Variants in PIK3R5 observed in about 807,000 individuals in gnomAD.
PIK3R5 encodes phosphoinositide-3-kinase regulatory subunit 5.
In PIK3R5, 32 loss-of-function variants were observed where a neutral mutation model predicts 94.9. That is an observed-to-expected ratio of 0.34 (90% confidence interval 0.25 to 0.45). The LOEUF (loss-of-function observed/expected upper bound fraction) is 0.45. Among genes scored for constraint, PIK3R5 ranks in the 20% least tolerant of loss-of-function variants. PIK3R5 has a pLI of 1.00. For synonymous variants in PIK3R5, 443 were observed against 479.4 expected, an observed-to-expected ratio of 0.92 and a Z score of 0.99; for missense variants, 853 against 1,144.6, an observed-to-expected ratio of 0.75 and a Z score of 3.68.
chr17:8,948,703 G>A (rs888588364), intron 1 of PIK3R5, among the ~76,000 whole-genome samples: 2 of 152,152 alleles, frequency 1.3e-5, no homozygotes, highest in South Asian at 2.1e-4. Flanking sequence ...AAACCCTCAC[G>A]GCTGCTGCGG....
At chr17:8,899,801 A>T (rs2090238291) in intron 5 of PIK3R5, among the ~76,000 whole-genome samples, 1 of 152,172 alleles carries the variant, frequency 6.6e-6, no homozygotes, top group Non-Finnish European at 1.5e-5. Context: ...GCACTTTGGG[A>T]GGCCGAGGTG....
chr17:8,902,015 T>C (rs914900241), intron 5 of PIK3R5, among the ~76,000 whole-genome samples: 5 of 152,030 alleles, frequency 3.3e-5, no homozygotes, highest in Admixed American at 6.6e-5. Flanking sequence ...CAGCCCCCCA[T>C]TCCTCACCAG....
At chr17:8,960,520 G>T (rs183468576) in intron 1 of PIK3R5, among the ~76,000 whole-genome samples, 5 of 152,358 alleles carry the variant, frequency 3.3e-5, no homozygotes, top group African/African-American at 1.2e-4. Context: ...GCTCACAGAA[G>T]GTGCGCTCCA....
At position 8,892,007 on chromosome 17, in the gene PIK3R5, C is replaced by G. The variant is rs904479615; in HGVS notation, c.483-1095G>C. Reference sequence around the variant, plus strand: ...CAACGCACGGCTGTTCTCACTTCCCCCATGCCAACCCCTCCATCACTGCAT... The same window carrying G: ...CAACGCACGGCTGTTCTCACTTCCCGCATGCCAACCCCTCCATCACTGCAT... On this transcript the variant is annotated intron_variant, in intron 6 of 18. Transcript: ENST00000447110. The surrounding 1 kb of genome is among the most constrained non-coding windows in gnomAD (Gnocchi z 4.3). Among the ~76,000 whole-genome samples, 7 of 152,156 alleles carry G rather than the reference C, an allele frequency of 4.6e-5. No homozygotes were observed. The highest frequency in any genetic ancestry group is 1.7e-4 in the African/African-American group (7 of 41,438).
intron 3 of PIK3R5, among the ~76,000 whole-genome samples, chr17:8,908,204 C>T (rs549601121): frequency 4.3e-4 from 66 of 152,272 alleles, no homozygotes; most frequent in Non-Finnish European, 7.8e-4. Context: ...GTCTTCTCTG[C>T]TAGATGAGCC....
chr17:8,905,445 G>A (rs1198227790), intron 4 of PIK3R5, among the ~76,000 whole-genome samples: 1 of 152,152 alleles, frequency 6.6e-6, no homozygotes, highest in Non-Finnish European at 1.5e-5. Context: ...GTTCCAACAT[G>A]GGAGCCCAGA....
intron 1 of PIK3R5, among the ~76,000 whole-genome samples, chr17:8,936,227 G>A (rs954467191): frequency 6.6e-5 from 10 of 152,020 alleles, no homozygotes; most frequent in African/African-American, 1.2e-4. Flanking sequence ...CCATTAGTGC[G>A]GTTCATTCGT....
At chr17:8,956,873 A>G (rs1265386968) in intron 1 of PIK3R5, among the ~76,000 whole-genome samples, 4 of 152,224 alleles carry the variant, frequency 2.6e-5, no homozygotes, top group Non-Finnish European at 5.9e-5. Context: ...TTTACCAAGT[A>G]TCAGAAGGAG....
Position 8,880,540 on chromosome 17 carries a change from G to A in PIK3R5, c.*99C>T, listed in dbSNP as rs980221201. On this transcript the variant is annotated 3_prime_UTR_variant, in exon 19 of 19. Transcript: ENST00000447110. ...GGACCCACAGTGGGACTATGGCTCT[G>A]CACAGGGCCATTCAGTTCTCCACAG... is the stretch of plus-strand genomic sequence containing the variant. 8.8e-6 allele frequency: 11 copies of A among 1,247,194 alleles called. No individual in the cohort carries two copies. In the African/African-American group the frequency reaches 1.7e-4, roughly 19 times the overall value. The allele number at this position is 1,247,194 out of a possible 1,614,324, so 77.3% of individuals were successfully genotyped here. A position where few individuals can be genotyped will look rare whatever the true frequency, so the allele number is the denominator to read the frequency against.
Position 8,881,098 on chromosome 17 carries a change from G to T in PIK3R5, c.2383-81C>A, listed in dbSNP as rs2089645986. 1.9e-6 allele frequency: 2 copies of T among 1,027,008 alleles called. No homozygotes were observed. The highest frequency in any genetic ancestry group is 1.3e-5 in the South Asian group (1 of 78,636). The allele number at this position is 1,027,008 out of a possible 1,614,324, so 63.6% of individuals were successfully genotyped here. A position where few individuals can be genotyped will look rare whatever the true frequency, so the allele number is the denominator to read the frequency against. The stretch of plus-strand genomic sequence containing the variant: ...CCTGGCAGTTCCTTTTCTCAGAACT[G>T]CCCATCCACTTCTAGGGGTGTGGGA... On this transcript the variant is annotated intron_variant, in intron 17 of 18. Coordinates refer to ENST00000447110, the MANE Select transcript of PIK3R5 (RefSeq NM_001142633.3). The surrounding 1 kb of genome is among the most constrained non-coding windows in gnomAD (Gnocchi z 4.8).
rs1283265445 is a variant in PIK3R5, at chr17:8,925,254, ATAGATGGTTAGCTAGTAGATGATAGATAG to A, written c.-13-13776_-13-13748del. 7.3e-5 allele frequency among the ~76,000 whole-genome samples: 11 copies of A among 151,022 alleles called. No homozygotes were observed. The highest frequency in any genetic ancestry group is 1.5e-4 in the Non-Finnish European group (10 of 67,988). On this transcript the variant is annotated intron_variant, in intron 1 of 18. Coordinates refer to ENST00000447110, the MANE Select transcript of PIK3R5 (RefSeq NM_001142633.3). The surrounding 1 kb of genome is among the most constrained non-coding windows in gnomAD (Gnocchi z 5.1). ...AGATAGATAGTAGATGGGTAGATAG[ATAGATGGTTAGCTAGTAGATGATAGATAG>A]TAGATGGATAGATAGATAGATAGTA...
intron 1 of PIK3R5, among the ~76,000 whole-genome samples, chr17:8,928,381 T>A (rs1422586197): frequency 6.6e-6 from 1 of 152,150 alleles, no homozygotes; most frequent in Non-Finnish European, 1.5e-5. Flanking sequence ...TGGCAAAATA[T>A]ATAAAACTAC....
In PIK3R5 at chr17:8,888,598, C is replaced by T; in HGVS notation, c.1189G>A (p.Glu397Lys). ...CTCCAAGGCCACTCGGAGGAGCTCT[C>T]CTCGCTGTCCTCCACGTAGCCGCTG... is the stretch of plus-strand genomic sequence containing the variant. Reference protein sequence around the residue: ...MDSGYVEDSEESSSEWPWRRG... With the variant: ...MDSGYVEDSEKSSSEWPWRRG... Residue 397 changes from glutamate (E) to lysine (K), a missense_variant, in exon 10 of 19, where the codon GAG becomes AAG. Physicochemically the swap from Glu to Lys is moderately conservative, Grantham distance 56 (BLOSUM62 1). Coordinates refer to ENST00000447110, the MANE Select transcript of PIK3R5 (RefSeq NM_001142633.3). This position sits in a 1 kb window ranked among gnomAD's most constrained non-coding sequence, Gnocchi z 7.8. 1.2e-6 allele frequency: 2 copies of T among 1,612,316 alleles called. No individual in the cohort carries two copies. Among genetic ancestry groups the T allele is most frequent in the East Asian group, 4.5e-5 (2 of 44,858 alleles).
Position 8,880,560 on chromosome 17 carries a change from C to T in PIK3R5, c.*79G>A. 1.4e-6 allele frequency: 2 copies of T among 1,395,530 alleles called. No homozygotes were observed. Among genetic ancestry groups the T allele is most frequent in the East Asian group, 5.0e-5 (2 of 40,338 alleles). 86.4% of individuals were successfully genotyped at this position (1,395,530 alleles called of 1,614,324 possible). A position where few individuals can be genotyped will look rare whatever the true frequency, so the allele number is the denominator to read the frequency against. On this transcript the variant is annotated 3_prime_UTR_variant, in exon 19 of 19. Coordinates refer to ENST00000447110, the MANE Select transcript of PIK3R5 (RefSeq NM_001142633.3). ...GCTCTGCACAGGGCCATTCAGTTCT[C>T]CACAGAGAGGGACTGTCCTGGAGGG...
intron 1 of PIK3R5, among the ~76,000 whole-genome samples, chr17:8,938,136 A>G (rs1382027601): frequency 6.6e-6 from 1 of 152,146 alleles, no homozygotes; most frequent in Non-Finnish European, 1.5e-5. Flanking sequence ...GTTTGGTAGA[A>G]TTCACCAGTG....
At chr17:8,914,358 G>A (rs1257564991) in intron 1 of PIK3R5, among the ~76,000 whole-genome samples, 1 of 152,112 alleles carries the variant, frequency 6.6e-6, no homozygotes, top group Non-Finnish European at 1.5e-5. Context: ...TCAAATTGTG[G>A]CTGAGACCCA....
At position 8,890,020 on chromosome 17, in the gene PIK3R5, G is replaced by C. The variant is rs1326569219; in HGVS notation, c.764C>G (p.Thr255Ser). ...TTTTTCTCCCACCGCCTGCAGCTTG[G>C]TCCTGAGCCACCGCCGGGCCTCTGC... ...DAAEARRWLRTKLQAVGEKAG... is the reference protein window; with the variant it reads ...DAAEARRWLRSKLQAVGEKAG... The change falls in exon 8 of 19, where the codon ACC (threonine) becomes AGC (serine). Residue 255 changes from threonine to serine, a missense_variant. This residue lies in a region of PIK3R5 where 161 missense variants were observed against 249.5 expected (regional missense o/e 0.65). Coordinates refer to ENST00000447110, the MANE Select transcript of PIK3R5 (RefSeq NM_001142633.3). This position sits in a 1 kb window ranked among gnomAD's most constrained non-coding sequence, Gnocchi z 6.1. 2.5e-6 allele frequency: 4 copies of C among 1,613,948 alleles called. No individual in the cohort carries two copies. The highest frequency in any genetic ancestry group is 3.4e-6 in the Non-Finnish European group (4 of 1,179,980).
At position 8,881,079 on chromosome 17, in the gene PIK3R5, A is replaced by AGT; in HGVS notation, c.2383-64_2383-63dup. ...CCATCCAACACTGCCAGCCCCTGGC[A>AGT]GTTCCTTTTCTCAGAACTGCCCATC... is the stretch of plus-strand genomic sequence containing the variant. On this transcript the variant is annotated intron_variant, in intron 17 of 18. Transcript: ENST00000447110. This position sits in a 1 kb window ranked among gnomAD's most constrained non-coding sequence, Gnocchi z 4.8. The AGT allele has an allele frequency of 1.6e-6, 2 of 1,266,458 alleles. No individual in the cohort carries two copies. Among genetic ancestry groups the AGT allele is most frequent in the Non-Finnish European group, 2.3e-6 (2 of 863,280 alleles). The allele number at this position is 1,266,458 out of a possible 1,614,324, so 78.5% of individuals were successfully genotyped here.
At chr17:8,912,868 A>G (rs1183200080) in intron 1 of PIK3R5, among the ~76,000 whole-genome samples, 1 of 152,258 alleles carries the variant, frequency 6.6e-6, no homozygotes, top group Non-Finnish European at 1.5e-5. Flanking sequence ...TGAGCTCTCC[A>G]GCATCCTTTC....
Sources: gnomAD v4.1 joint callset for allele counts (sites outside exome capture counted in the v4.1 genomes callset) on GRCh38, gnomAD v4.1.1 for gene constraint, gnomAD v4.1.1 regional missense constraint, Gnocchi (gnomAD v3.1) non-coding constraint, MANE v1.5 for transcripts, NCBI Gene and HGNC (gene_info 2026-07-23, HGNC 2026-07-21) for gene names.